Variants in BNC2 observed in about 807,000 individuals in gnomAD.
The protein encoded by BNC2 is basonuclin zinc finger protein 2.
Under a neutral mutation model 76.3 loss-of-function variants are expected in BNC2, and 20 were observed. That is an observed-to-expected ratio of 0.26 (90% CI 0.18 to 0.38). The LOEUF (loss-of-function observed/expected upper bound fraction) is 0.38, where lower values mean the gene tolerates loss of function less well. BNC2 is among the 10% of genes least tolerant of loss of function. BNC2 has a pLI of 1.00. For synonymous variants in BNC2, 582 were observed against 514.8 expected (o/e 1.13, Z -1.77); for missense variants, 1,382 against 1,399.8 (o/e 0.99, Z 0.20).
chr9:16,598,987 G>C (rs10962504), intron 3 of BNC2, among the ~76,000 whole-genome samples: 11,420 of 152,112 alleles, frequency 0.075, 680 homozygotes, highest in East Asian at 0.24. Context: ...AACAACAAAA[G>C]TATACTTCAA....
intron 1 of BNC2, among the ~76,000 whole-genome samples, chr9:16,831,358 T>C (rs1818573845): frequency 6.6e-6 from 1 of 152,234 alleles, no homozygotes; most frequent in Non-Finnish European, 1.5e-5. Context: ...CACCTTGATC[T>C]TGGCATTCAA....
chr9:16,722,105 T>A (rs532765571), intron 3 of BNC2, among the ~76,000 whole-genome samples: 1 of 152,126 alleles, frequency 6.6e-6, no homozygotes, highest in African/African-American at 2.4e-5. Context: ...GCACCAGAAT[T>A]TGTGTTTTTC....
At chr9:16,747,358 A>G (rs994397792) in intron 1 of BNC2, among the ~76,000 whole-genome samples, 22 of 152,200 alleles carry the variant, frequency 1.4e-4, no homozygotes, top group Non-Finnish European at 2.5e-4. Flanking sequence ...AATTAACAGT[A>G]AAATCTCAGC....
intron 3 of BNC2, among the ~76,000 whole-genome samples, chr9:16,590,632 C>G (rs561338317): frequency 6.6e-6 from 1 of 152,056 alleles, no homozygotes; most frequent in Admixed American, 6.5e-5. Context: ...CATGGCGAAA[C>G]CTCGTCTCTA....
intron 5 of BNC2, among the ~76,000 whole-genome samples, chr9:16,523,468 C>T (rs1817685399): frequency 7.4e-6 from 1 of 135,858 alleles, no homozygotes; most frequent in South Asian, 2.3e-4. Flanking sequence ...AAGACCCCGT[C>T]TCAAAACAAA....
intron 5 of BNC2, among the ~76,000 whole-genome samples, chr9:16,494,205 T>C: frequency 6.6e-6 from 1 of 151,828 alleles, no homozygotes; most frequent in Non-Finnish European, 1.5e-5. Context: ...CAGGCTGGAG[T>C]GCAGTGACAC....
At chr9:16,477,252 C>A (rs1821946844) in intron 5 of BNC2, among the ~76,000 whole-genome samples, 1 of 152,142 alleles carries the variant, frequency 6.6e-6, no homozygotes. Context: ...GAGCAACACA[C>A]TGCCTTTAAA....
intron 5 of BNC2, among the ~76,000 whole-genome samples, chr9:16,540,672 T>G (rs553733286): frequency 1.3e-5 from 2 of 152,302 alleles, no homozygotes; most frequent in Non-Finnish European, 1.5e-5. Context: ...TCCATTTATG[T>G]GATTTTAAAG....
rs907800617 is a variant in BNC2, at chr9:16,480,981, A to T, written c.670-43457T>A. Among the ~76,000 whole-genome samples the T allele has an allele frequency of 3.3e-5, 5 of 152,208 alleles. No individual in the cohort carries two copies. In the South Asian group the frequency reaches 1.0e-3, roughly 32 times the overall value. On this transcript the variant is annotated intron_variant, in intron 5 of 6. Coordinates refer to ENST00000380672, the MANE Select transcript of BNC2 (RefSeq NM_017637.6). ...AGCCAGCTGGGCTCCTGAGTCTGGTAGGGAAGTGAAGAACCTTTATGTCTA... is the reference window on the plus strand; with the variant it reads ...AGCCAGCTGGGCTCCTGAGTCTGGTTGGGAAGTGAAGAACCTTTATGTCTA...
intron 4 of BNC2, among the ~76,000 whole-genome samples, chr9:16,564,504 C>CCT: frequency 6.6e-6 from 1 of 152,268 alleles, no homozygotes; most frequent in Non-Finnish European, 1.5e-5. Context: ...AGACAAACTG[C>CCT]CTCTCCACCT....
chr9:16,798,436 AG>A (rs1334687608), intron 1 of BNC2, among the ~76,000 whole-genome samples: 5 of 152,182 alleles, frequency 3.3e-5, no homozygotes. Context: ...ACTACCCTAA[AG>A]GAAAATATTA....
chr9:16,495,432 A>G (rs957944495), intron 5 of BNC2, among the ~76,000 whole-genome samples: 1 of 152,244 alleles, frequency 6.6e-6, no homozygotes, highest in Non-Finnish European at 1.5e-5. Context: ...CAAAAGCACC[A>G]GCATTGTGAC....
chr9:16,557,135 A>G (rs960891446), intron 4 of BNC2, among the ~76,000 whole-genome samples: 1 of 152,104 alleles, frequency 6.6e-6, no homozygotes, highest in African/African-American at 2.4e-5. Context: ...GTGGGAAAAG[A>G]TGTCACCTAC....
At chr9:16,776,060 C>T (rs1032860436) in intron 1 of BNC2, among the ~76,000 whole-genome samples, 20 of 152,118 alleles carry the variant, frequency 1.3e-4, no homozygotes, top group African/African-American at 4.1e-4. Context: ...CTTTCAGCCA[C>T]GGGGACCTGC....
chr9:16,412,108 C>T lies in BNC2; in HGVS notation c.*6881G>A, dbSNP rs1820473515. The T allele has an allele frequency of 6.6e-6, 1 of 152,644 alleles. No individual in the cohort carries two copies. The highest frequency in any genetic ancestry group is 2.4e-5 in the African/African-American group (1 of 41,454). 9.5% of individuals were successfully genotyped at this position (152,644 alleles called of 1,614,324 possible). On this transcript the variant is annotated 3_prime_UTR_variant, in exon 7 of 7. Coordinates refer to ENST00000380672, the MANE Select transcript of BNC2 (RefSeq NM_017637.6). ...CCATCACTCGATTTTCTAAAGCTCCCTGTACTTGTACTTACCAAAGTTCTT... is the reference window on the plus strand; with the variant it reads ...CCATCACTCGATTTTCTAAAGCTCCTTGTACTTGTACTTACCAAAGTTCTT...
chr9:16,552,864 C>T, intron 4 of BNC2, 99 bp from the exon 5 acceptor site: 1 of 941,828 alleles, frequency 1.1e-6, no homozygotes, highest in South Asian at 1.4e-5. Context: ...TACCAGGGCT[C>T]CATTTCTACA....
intron 3 of BNC2, among the ~76,000 whole-genome samples, chr9:16,622,991 C>G (rs1820904426): frequency 6.6e-6 from 1 of 152,108 alleles, no homozygotes; most frequent in Non-Finnish European, 1.5e-5. Flanking sequence ...AGATTTGAAT[C>G]AGTTTGCTGT....
At chr9:16,813,760 T>C (rs1227311988) in intron 1 of BNC2, among the ~76,000 whole-genome samples, 1 of 152,240 alleles carries the variant, frequency 6.6e-6, no homozygotes, top group East Asian at 1.9e-4. Context: ...GTATTCTTAA[T>C]GTGACCTCAA....
intron 1 of BNC2, among the ~76,000 whole-genome samples, chr9:16,870,113 G>A (rs1257942313): frequency 6.6e-6 from 1 of 152,132 alleles, no homozygotes; most frequent in Non-Finnish European, 1.5e-5. Context: ...GACAAGGGGA[G>A]AGGAAGAGTC....
Sources: gnomAD v4.1 joint callset for allele counts (sites outside exome capture counted in the v4.1 genomes callset) on GRCh38, gnomAD v4.1.1 for gene constraint, MANE v1.5 for transcripts, NCBI Gene and HGNC (gene_info 2026-07-23, HGNC 2026-07-21) for gene names.